HUS1: variants seen among roughly 807,000 people sequenced by gnomAD.
The protein encoded by HUS1 is HUS1 checkpoint clamp component, also known as checkpoint protein HUS1.
A neutral mutation model predicts 32.6 loss-of-function variants in HUS1; 31 were observed. The ratio of observed to expected loss-of-function variants is 0.95; its 90% CI spans 0.72 to 1.28. HUS1 has a LOEUF of 1.28. HUS1 is among the 50% of genes most tolerant of loss of function. HUS1 has a pLI of 0.00. For synonymous variants in HUS1, 123 were observed against 116.6 expected, an observed-to-expected ratio of 1.06 and a Z score of -0.36; for missense variants, 340 against 337.7, an observed-to-expected ratio of 1.01 and a Z score of -0.05.
intron 7 of HUS1, among the ~76,000 whole-genome samples, chr7:47,966,268 T>G (rs1788476232): frequency 6.6e-6 from 1 of 152,034 alleles, no homozygotes; most frequent in Non-Finnish European, 1.5e-5. Flanking sequence ...AAAAGGGGCT[T>G]TGGGAAGTTA....
intron 3 of HUS1, among the ~76,000 whole-genome samples, chr7:47,977,334 C>A (rs565312595): frequency 6.6e-6 from 1 of 152,106 alleles, no homozygotes; most frequent in Non-Finnish European, 1.5e-5. Context: ...GCTATGTTGA[C>A]GCAACCAAGA....
chr7:47,978,425 C>G lies in HUS1; in HGVS notation c.349G>C (p.Val117Leu), dbSNP rs753201633. The change falls in exon 3 of 8, where the codon GTG becomes CTG. Residue 117 changes from valine (V) to leucine (L), a missense_variant. Val to Leu is a conservative substitution (Grantham distance 32, BLOSUM62 1). Coordinates refer to ENST00000258774, the MANE Select transcript of HUS1 (RefSeq NM_004507.4). The part of the protein sequence containing the change: ...NKHFPCLTVS[V>L]ELLSMSSSSR... ...CTGACTCTCCTACTCACCAGCTCCA[C>G]GGAGACCGTGAGGCAGGGAAAGTGT... 9 of 1,613,888 alleles carry G rather than the reference C, an allele frequency of 5.6e-6. No homozygotes were observed. Among genetic ancestry groups the G allele is most frequent in the South Asian group, 4.4e-5 (4 of 91,080 alleles).
intron 5 of HUS1, among the ~76,000 whole-genome samples, chr7:47,971,682 G>A (rs1788604065): frequency 6.6e-6 from 1 of 152,166 alleles, no homozygotes. Context: ...TCTCTGGAAA[G>A]CCAGTGTGTA....
intron 7 of HUS1, among the ~76,000 whole-genome samples, chr7:47,965,713 A>G (rs1407133109): frequency 6.6e-6 from 1 of 152,092 alleles, no homozygotes; most frequent in Non-Finnish European, 1.5e-5. Flanking sequence ...GGCAAACCAC[A>G]TTCACCCACA....
chr7:47,978,251 G>A (rs962899081), intron 3 of HUS1, 166 bp downstream of exon 3: 1 of 569,912 alleles, frequency 1.8e-6, no homozygotes, highest in Admixed American at 3.2e-5. Context: ...ATTTTAAAAT[G>A]AGGAGGAACT....
Position 47,965,364 on chromosome 7 carries a change from G to T in HUS1, c.835C>A (p.Leu279Met). The T allele has an allele frequency of 6.2e-7, 1 of 1,610,752 alleles. No individual in the cohort carries two copies. Among genetic ancestry groups the T allele is most frequent in the Admixed American group, 1.7e-5 (1 of 60,030 alleles). The stretch of plus-strand genomic sequence containing the variant: ...ACTCCAGCGACAGGGTGCTAGGACA[G>T]CGCAGGGATGAAATACTGAAGGGAC... Reference protein sequence around the residue: ...DVSLQYFIPALS With the variant: ...DVSLQYFIPAMS Residue 279 changes from leucine to methionine, a missense_variant, in exon 8 of 8, where the codon CTG becomes ATG. By Grantham distance (15) the Leu-to-Met change is conservative. Transcript: ENST00000258774.
rs966233286 is a variant in HUS1 at position 47,963,961 on chromosome 7, T to C, written c.*1395A>G. On this transcript the variant is annotated 3_prime_UTR_variant, in exon 8 of 8. Transcript: ENST00000258774. Reference sequence around the variant, plus strand: ...CCATTACTAAACATCAAAAGAATCATTCAAATACACTGGTTTTATCAAAAA... The same window carrying C: ...CCATTACTAAACATCAAAAGAATCACTCAAATACACTGGTTTTATCAAAAA... 6.6e-6 allele frequency: 1 copy of C among 151,760 alleles called. No individual in the cohort carries two copies. Among genetic ancestry groups the C allele is most frequent in the Admixed American group, 6.6e-5 (1 of 15,214 alleles). 9.4% of individuals were successfully genotyped at this position (151,760 alleles called of 1,614,324 possible). A position where few individuals can be genotyped will look rare whatever the true frequency, so the allele number is the denominator to read the frequency against.
At chr7:47,969,377 A>T (rs3176580) in intron 5 of HUS1, 59 bp from the exon 6 acceptor site, 75,289 of 892,124 alleles carry the variant, frequency 0.084, 4,031 homozygotes, top group Non-Finnish European at 0.11. Context: ...AAAAAACTCC[A>T]TGGGCAACAG....
At chr7:47,966,845 G>A (rs1317997815) in intron 7 of HUS1, among the ~76,000 whole-genome samples, 1 of 152,074 alleles carries the variant, frequency 6.6e-6, no homozygotes, top group Non-Finnish European at 1.5e-5. Context: ...CCATGATCTG[G>A]CCTAGTCTAG....
chr7:47,976,662 TA>T, intron 4 of HUS1, 67 bp downstream of exon 4: 1 of 886,372 alleles, frequency 1.1e-6, no homozygotes, highest in Non-Finnish European at 1.9e-6. Flanking sequence ...AGACTACAAC[TA>T]AAACTAGAGA....
At chr7:47,969,683 A>G (rs572924884) in intron 5 of HUS1, among the ~76,000 whole-genome samples, 57 of 152,274 alleles carry the variant, frequency 3.7e-4, no homozygotes, top group Non-Finnish European at 6.9e-4. Flanking sequence ...TCACAGCAGG[A>G]GAGAGTCCTG....
chr7:47,978,351 G>C (rs1056182003), intron 3 of HUS1, 66 bp downstream of exon 3: 4 of 1,375,626 alleles, frequency 2.9e-6, no homozygotes, highest in Non-Finnish European at 4.1e-6. Flanking sequence ...AAAAAGGCTA[G>C]GCTAACTATG....
In HUS1 at chr7:47,979,601, G is replaced by T. The variant is rs543611969; in HGVS notation, c.-82C>A. 7.1e-6 allele frequency: 8 copies of T among 1,130,794 alleles called. No individual in the cohort carries two copies. The highest frequency in any genetic ancestry group is 3.4e-5 in the Admixed American group (2 of 58,764). 70.0% of individuals were successfully genotyped at this position (1,130,794 alleles called of 1,614,324 possible). A position where few individuals can be genotyped will look rare whatever the true frequency, so the allele number is the denominator to read the frequency against. On this transcript the variant is annotated 5_prime_UTR_variant, in exon 1 of 8. Coordinates refer to ENST00000258774, the MANE Select transcript of HUS1 (RefSeq NM_004507.4). ...CCTGAGTGTCCCCGCCCGGAAACAC[G>T]GCAGCGCGAACAGTGGTTCCGCCCG... is the stretch of plus-strand genomic sequence containing the variant.
chr7:47,968,966 C>A, intron 6 of HUS1: 1 of 357,130 alleles, frequency 2.8e-6, no homozygotes, highest in Non-Finnish European at 5.0e-6. Context: ...GTAACTTGAT[C>A]CGAATTCTAC....
chr7:47,978,688 C>CA lies in HUS1; in HGVS notation c.180_180+1insT (p.Glu61Ter). The CA allele has an allele frequency of 6.2e-7, 1 of 1,614,090 alleles. No individual in the cohort carries two copies. Among genetic ancestry groups the CA allele is most frequent in the South Asian group, 1.1e-5 (1 of 91,076 alleles). On this transcript the variant is annotated frameshift_variant and splice_region_variant. Coordinates refer to ENST00000258774, the MANE Select transcript of HUS1 (RefSeq NM_004507.4). LOFTEE classifies it high-confidence loss of function. ...CAGGCCTCTCAGAAGCTTTTGCTCA[C>CA]CTGTTCCAGCTCACACCACATGCTC...
chr7:47,975,601 G>T lies in HUS1; in HGVS notation c.540+12C>A. ...TACTTCAGAGTTCTTTTCTAAAGAA[G>T]TTGTGACTTACAAGGTGATTGCTGA... On this transcript the variant is annotated intron_variant, in intron 5 of 7. Coordinates refer to ENST00000258774, the MANE Select transcript of HUS1 (RefSeq NM_004507.4). 6.4e-7 allele frequency: 1 copy of T among 1,566,604 alleles called. No individual in the cohort carries two copies. Among genetic ancestry groups the T allele is most frequent in the Non-Finnish European group, 8.8e-7 (1 of 1,137,384 alleles).
In HUS1 at chr7:47,978,765, C is replaced by A. The variant is rs1015917843; in HGVS notation, c.104G>T (p.Ser35Ile). ...KLAKTCTLRISPDKLNFILCD... is the reference protein window; with the variant it reads ...KLAKTCTLRIIPDKLNFILCD... ...AAGGATGAAGTTAAGCTTATCAGGG[C>A]TGATGCGGAGGGTGCAGGTTTTGGC... Residue 35 changes from serine to isoleucine, a missense_variant, in exon 2 of 8, where the codon AGC becomes ATC. Physicochemically the swap from Ser to Ile is moderately radical, Grantham distance 142 (BLOSUM62 -2). Coordinates refer to ENST00000258774, the MANE Select transcript of HUS1 (RefSeq NM_004507.4). The A allele has an allele frequency of 1.2e-6, 2 of 1,614,196 alleles. No individual in the cohort carries two copies. The highest frequency in any genetic ancestry group is 1.7e-6 in the Non-Finnish European group (2 of 1,180,036).
rs751678374 is a variant in HUS1, at chr7:47,969,326, T to C, written c.541-8A>G. ...TAGGTTTGCTTCAATAACCTGCAAA[T>C]TGAGTATTTTACATAGTCTTAGAAA... On this transcript the variant is annotated splice_region_variant and splice_polypyrimidine_tract_variant and intron_variant, in intron 5 of 7. Coordinates refer to ENST00000258774, the MANE Select transcript of HUS1 (RefSeq NM_004507.4). 7 of 1,481,064 alleles carry C rather than the reference T, an allele frequency of 4.7e-6. No homozygotes were observed. The African/African-American group carries it at 5.6e-5, about 12-fold the overall frequency. 91.7% of individuals were successfully genotyped at this position (1,481,064 alleles called of 1,614,324 possible).
At chr7:47,977,873 GAT>G (rs1485582284) in intron 3 of HUS1, among the ~76,000 whole-genome samples, 2 of 152,172 alleles carry the variant, frequency 1.3e-5, no homozygotes, top group African/African-American at 4.8e-5. Context: ...CAGCCTGGGT[GAT>G]AGAGAGACTC....
Sources: gnomAD v4.1 joint callset for allele counts (sites outside exome capture counted in the v4.1 genomes callset) on GRCh38, gnomAD v4.1.1 for gene constraint, MANE v1.5 for transcripts, NCBI Gene and HGNC (gene_info 2026-07-23, HGNC 2026-07-21) for gene names.